UBE3C: variants seen among roughly 807,000 people sequenced by gnomAD.
UBE3C encodes ubiquitin-protein ligase E3C.
Under a neutral mutation model 129.4 loss-of-function variants are expected in UBE3C, and 42 were observed. That is an observed-to-expected ratio of 0.32 (90% CI 0.25 to 0.42). The LOEUF (loss-of-function observed/expected upper bound fraction) is 0.42, where lower values mean the gene tolerates loss of function less well. Among genes scored for constraint, UBE3C ranks in the 10% least tolerant of loss-of-function variants. The pLI is 1.00. For missense variants in UBE3C, 1,049 were observed against 1,319.1 expected (o/e 0.80, Z 3.17); for synonymous variants, 510 against 492.4 (o/e 1.04, Z -0.47).
intron 18 of UBE3C, among the ~76,000 whole-genome samples, chr7:157,248,099 G>A (rs1174249513): frequency 6.6e-6 from 1 of 152,170 alleles, no homozygotes; most frequent in African/African-American, 2.4e-5. Context: ...TGTCTCACAA[G>A]AAGGATCTGT....
In UBE3C at chr7:157,220,684, G is replaced by C. The variant is rs182981600; in HGVS notation, c.1915-5G>C. The stretch of plus-strand genomic sequence containing the variant: ...GGAGTTCTGAACCAGGATTGCCCCC[G>C]ACAGGTCACTCAGCTCTATGTGCCA... On this transcript the variant is annotated splice_polypyrimidine_tract_variant and splice_region_variant and intron_variant, in intron 14 of 22. Transcript: ENST00000348165. 1 of 1,613,944 alleles carries C rather than the reference G, an allele frequency of 6.2e-7. No individual in the cohort carries two copies. The highest frequency in any genetic ancestry group is 1.3e-5 in the African/African-American group (1 of 74,920).
At chr7:157,171,707 T>A (rs1412132829) in intron 4 of UBE3C, among the ~76,000 whole-genome samples, 4,826 of 46,160 alleles carry the variant, frequency 0.1, 329 homozygotes, top group Non-Finnish European at 0.12. Flanking sequence ...TTTTTTTTTT[T>A]TTTTTTTTTT....
rs537768137 is a variant in UBE3C at position 157,141,651 on chromosome 7, G to A, written c.66+2313G>A. Among the ~76,000 whole-genome samples, 37 of 152,262 alleles carry A rather than the reference G, an allele frequency of 2.4e-4. 1 individual carries two copies. The South Asian group carries it at 3.5e-3, about 15-fold the overall frequency. On this transcript the variant is annotated intron_variant, in intron 1 of 22. Transcript: ENST00000348165. ...CACGGTGTATATGTGGTCTGTTGTC[G>A]ACAGACTGAGAGGTCATTATGCCAT...
chr7:157,264,406 TACACAC>T (rs56147121), intron 22 of UBE3C, among the ~76,000 whole-genome samples: 53,195 of 106,974 alleles, frequency 0.5, 13,974 homozygotes, highest in Middle Eastern at 0.64. Context: ...CTCGGCCTGT[TACACAC>T]ACACACACAC....
chr7:157,248,539 C>G lies in UBE3C; in HGVS notation c.2653C>G (p.Leu885Val). 6.2e-7 allele frequency: 1 copy of G among 1,612,706 alleles called. No homozygotes were observed. The highest frequency in any genetic ancestry group is 8.5e-7 in the Non-Finnish European group (1 of 1,180,014). Residue 885 changes from leucine to valine, a missense_variant, in exon 19 of 23, where the codon CTG (leucine) becomes GTG (valine). Coordinates refer to ENST00000348165, the MANE Select transcript of UBE3C (RefSeq NM_014671.3). ...CGAAGACGATGTGGAGGAGCTTGGG[C>G]TGAACTTCACTGTGGTGAACAATGA... Reference protein sequence around the residue: ...SYEDDVEELGLNFTVVNNDLG... With the variant: ...SYEDDVEELGVNFTVVNNDLG...
chr7:157,240,293 G>A (rs959668745), intron 18 of UBE3C, among the ~76,000 whole-genome samples: 3 of 152,102 alleles, frequency 2.0e-5, no homozygotes, highest in Admixed American at 2.0e-4. Flanking sequence ...GGCCTCAAGT[G>A]ATCCGCCCAC....
Position 157,256,838 on chromosome 7 carries a change from T to A in UBE3C, c.2951-76T>A, listed in dbSNP as rs956556553. On this transcript the variant is annotated intron_variant, in intron 21 of 22. Transcript: ENST00000348165. ...CCATGGACTTTAGTTTCCGTGGGTG[T>A]CTGGACCAATCCCTGTGGGTCCTGA... 3 of 1,586,842 alleles carry A rather than the reference T, an allele frequency of 1.9e-6. No individual in the cohort carries two copies. In the African/African-American group the frequency reaches 4.1e-5, roughly 21 times the overall value.
At chr7:157,244,871 C>G (rs1250575108) in intron 18 of UBE3C, among the ~76,000 whole-genome samples, 8 of 151,962 alleles carry the variant, frequency 5.3e-5, no homozygotes, top group Non-Finnish European at 1.0e-4. Context: ...TTTTTCATGA[C>G]AAGTAGTTAT....
intron 2 of UBE3C, among the ~76,000 whole-genome samples, chr7:157,164,167 C>A (rs1361178680): frequency 6.6e-6 from 1 of 151,558 alleles, no homozygotes; most frequent in African/African-American, 2.4e-5. Flanking sequence ...TTTTTCTTCT[C>A]TTTTTTTTAA....
At chr7:157,220,174 G>A (rs1297622001) in intron 14 of UBE3C, among the ~76,000 whole-genome samples, 1 of 152,118 alleles carries the variant, frequency 6.6e-6, no homozygotes, top group Admixed American at 6.5e-5. Context: ...TCGCACCACT[G>A]CATTCCAGCC....
intron 9 of UBE3C, 125 bp from the exon 10 acceptor site, chr7:157,186,709 A>G: frequency 9.2e-7 from 1 of 1,085,534 alleles, no homozygotes; most frequent in Non-Finnish European, 1.3e-6. Context: ...TGTGATGTAG[A>G]TAATTTTGAG....
intron 1 of UBE3C, among the ~76,000 whole-genome samples, chr7:157,141,769 T>A (rs1475898537): frequency 6.6e-6 from 1 of 152,220 alleles, no homozygotes; most frequent in Non-Finnish European, 1.5e-5. Context: ...ATGGAGCCAC[T>A]CACCACTTGT....
rs975401631 is a variant in UBE3C at position 157,269,297 on chromosome 7, A to C, written c.*1542A>C. On this transcript the variant is annotated 3_prime_UTR_variant, in exon 23 of 23. Transcript: ENST00000348165. ...TTCACTTATTTGTGGTTTTTTTCTC[A>C]GCTATTCTGAGCTTATTTATTTATT... is the stretch of plus-strand genomic sequence containing the variant. 6.6e-6 allele frequency: 1 copy of C among 152,336 alleles called. No individual in the cohort carries two copies. The highest frequency in any genetic ancestry group is 1.5e-5 in the Non-Finnish European group (1 of 68,042). The allele number at this position is 152,336 out of a possible 1,614,324, so 9.4% of individuals were successfully genotyped here.
intron 1 of UBE3C, among the ~76,000 whole-genome samples, chr7:157,161,842 C>T (rs977361688): frequency 7.9e-5 from 12 of 151,882 alleles, no homozygotes; most frequent in Non-Finnish European, 1.6e-4. Context: ...GAGGCCAAGG[C>T]GGGCAGATCA....
chr7:157,170,287 TTTTG>T lies in UBE3C; in HGVS notation c.196-13_196-10del. The T allele has an allele frequency of 6.8e-7, 1 of 1,461,776 alleles. No homozygotes were observed. Among genetic ancestry groups the T allele is most frequent in the Non-Finnish European group, 9.1e-7 (1 of 1,104,562 alleles). 90.6% of individuals were successfully genotyped at this position (1,461,776 alleles called of 1,614,324 possible). On this transcript the variant is annotated splice_polypyrimidine_tract_variant and intron_variant, in intron 3 of 22. Transcript: ENST00000348165. ...AATACTATATTTATGGGTCATTTTG[TTTTG>T]TTTTTCTTCCAGTATTCCATCCAAA...
chr7:157,185,822 C>T lies in UBE3C; in HGVS notation c.1144-1012C>T, dbSNP rs6972058. The stretch of plus-strand genomic sequence containing the variant: ...TTTGTTAGTCTTAATGTTAAAGATT[C>T]AGGTTTGACAGATGAATTTACTGCT... On this transcript the variant is annotated intron_variant, in intron 9 of 22. Transcript: ENST00000348165. 1.9e-3 allele frequency among the ~76,000 whole-genome samples: 292 copies of T among 152,216 alleles called. 2 individuals carry two copies. The highest frequency in any genetic ancestry group is 6.4e-3 in the African/African-American group (267 of 41,544).
intron 1 of UBE3C, among the ~76,000 whole-genome samples, chr7:157,161,086 G>C (rs557331641): frequency 6.6e-6 from 1 of 152,118 alleles, no homozygotes; most frequent in Non-Finnish European, 1.5e-5. Flanking sequence ...TATAATGTGG[G>C]GTCCTGGATA....
chr7:157,258,014 C>A (rs1796800513), intron 22 of UBE3C, among the ~76,000 whole-genome samples: 1 of 147,026 alleles, frequency 6.8e-6, no homozygotes, highest in Non-Finnish European at 1.5e-5. Flanking sequence ...GTGGTGTGAT[C>A]ACGGCTCACT....
At chr7:157,201,402 CAG>C (rs1450374794) in intron 10 of UBE3C, among the ~76,000 whole-genome samples, 1 of 148,658 alleles carries the variant, frequency 6.7e-6, no homozygotes, top group Non-Finnish European at 1.5e-5. Flanking sequence ...CGATATGTAG[CAG>C]AGGGGGAGCA....
Sources: allele counts gnomAD v4.1 joint callset (sites outside exome capture counted in the v4.1 genomes callset), GRCh38; gene constraint gnomAD v4.1.1; transcripts MANE v1.5; gene names NCBI Gene and HGNC (gene_info 2026-07-23, HGNC 2026-07-21).